Variants in DOK6 observed in about 807,000 individuals in gnomAD.
DOK6 encodes docking protein 6, also known as downstream of tyrosine kinase 6.
Under a neutral mutation model 44.0 loss-of-function variants are expected in DOK6, and 22 were observed. That is an observed-to-expected ratio of 0.50 (90% confidence interval 0.36 to 0.71). The LOEUF (loss-of-function observed/expected upper bound fraction) is 0.71. DOK6 is among the 30% of genes least tolerant of loss of function. The pLI is 0.00. For synonymous variants in DOK6, 166 were observed against 145.5 expected (o/e 1.14, Z -1.01); for missense variants, 340 against 416.4 (o/e 0.82, Z 1.60).
rs898629577 is a variant in DOK6, at chr18:69,597,556, C to T, written c.175-1828C>T. On this transcript the variant is annotated intron_variant, in intron 2 of 7. Transcript: ENST00000382713. ...GTCTCTTTAACTTAGGGACACTAGA[C>T]AGCAGTTTAGGGCTGCACTTGGGGA... 2.6e-3 allele frequency among the ~76,000 whole-genome samples: 389 copies of T among 152,294 alleles called. 7 individuals carry two copies. Among genetic ancestry groups the T allele is most frequent in the Non-Finnish European group, 1.0e-3 (70 of 68,034 alleles).
chr18:69,766,951 G>A (rs1280848107), intron 7 of DOK6, among the ~76,000 whole-genome samples: 1 of 152,186 alleles, frequency 6.6e-6, no homozygotes, highest in African/African-American at 2.4e-5. Flanking sequence ...TTTAGGCCAG[G>A]TGTGGTGGCT....
In DOK6 at chr18:69,698,446, T is replaced by C. The variant is rs1355617377; in HGVS notation, c.452T>C (p.Ile151Thr). The change falls in exon 5 of 8, where the codon ATT (isoleucine) becomes ACT (threonine). Residue 151 changes from isoleucine to threonine, a missense_variant. Ile to Thr is a moderately conservative substitution (Grantham distance 89, BLOSUM62 -1). This residue lies in a region of DOK6 where 206 missense variants were observed against 258.6 expected (regional missense o/e 0.80). Transcript: ENST00000382713. ...CTTATGCCTACACCAAACCTGGATA[T>C]TTATGGTGAATGCACAATGCAGATC... The part of the protein sequence containing the change: ...VYLMPTPNLD[I>T]YGECTMQITH... 6.2e-7 allele frequency: 1 copy of C among 1,613,872 alleles called. No individual in the cohort carries two copies.
chr18:69,753,800 A>G (rs1332702204), intron 6 of DOK6, among the ~76,000 whole-genome samples: 1 of 147,708 alleles, frequency 6.8e-6, no homozygotes, highest in Non-Finnish European at 1.5e-5. Flanking sequence ...CAAAGATTGC[A>G]GAATTTTGTA....
chr18:69,552,643 GTTC>G, intron 1 of DOK6, among the ~76,000 whole-genome samples: 1 of 152,238 alleles, frequency 6.6e-6, no homozygotes, highest in South Asian at 2.1e-4. Context: ...CATACTGGTT[GTTC>G]TTTATTATAA....
At chr18:69,515,918 A>T (rs551024962) in intron 1 of DOK6, among the ~76,000 whole-genome samples, 10 of 152,348 alleles carry the variant, frequency 6.6e-5, no homozygotes, top group African/African-American at 2.4e-4. Flanking sequence ...CAGATTTATG[A>T]TCATGCATTT....
At chr18:69,757,427 T>C (rs1191644759) in intron 6 of DOK6, among the ~76,000 whole-genome samples, 1 of 152,236 alleles carries the variant, frequency 6.6e-6, no homozygotes, top group East Asian at 1.9e-4. Context: ...TTCTTGTCCA[T>C]AGAAATGTAA....
At chr18:69,417,830 C>A (rs1400207871) in intron 1 of DOK6, among the ~76,000 whole-genome samples, 1 of 151,896 alleles carries the variant, frequency 6.6e-6, no homozygotes, top group Non-Finnish European at 1.5e-5. Context: ...ACATTTTTTT[C>A]ATATACCTTT....
chr18:69,603,927 G>A (rs1191209568), intron 3 of DOK6, among the ~76,000 whole-genome samples: 2 of 151,998 alleles, frequency 1.3e-5, no homozygotes, highest in Non-Finnish European at 2.9e-5. Flanking sequence ...TATTCTCAGT[G>A]AAAAACATTT....
chr18:69,807,031 A>T (rs911718268), intron 7 of DOK6, among the ~76,000 whole-genome samples: 31 of 152,044 alleles, frequency 2.0e-4, no homozygotes, highest in African/African-American at 7.0e-4. Flanking sequence ...AATGACCACT[A>T]TTTGTTACTC....
At chr18:69,829,249 T>C (rs1981835302) in intron 7 of DOK6, among the ~76,000 whole-genome samples, 1 of 99,584 alleles carries the variant, frequency 1.0e-5, no homozygotes. Flanking sequence ...CTTTGGTTCC[T>C]TAATTAAAAA....
intron 1 of DOK6, among the ~76,000 whole-genome samples, chr18:69,482,326 G>T (rs898829862): frequency 6.6e-6 from 1 of 152,000 alleles, no homozygotes; most frequent in Non-Finnish European, 1.5e-5. Context: ...GGTATTGCAC[G>T]TGCACTGATG....
At chr18:69,825,238 G>A (rs1420018413) in intron 7 of DOK6, among the ~76,000 whole-genome samples, 2 of 151,926 alleles carry the variant, frequency 1.3e-5, no homozygotes, top group African/African-American at 2.4e-5. Flanking sequence ...CTTAATTTAT[G>A]TGACTTACCA....
At chr18:69,496,469 G>A (rs117703263) in intron 1 of DOK6, among the ~76,000 whole-genome samples, 5,923 of 152,330 alleles carry the variant, frequency 0.039, 165 homozygotes, top group Admixed American at 0.096. Flanking sequence ...CCAGACAGCC[G>A]CTGCTGCCAT....
In DOK6 at chr18:69,817,304, T is replaced by TA. The variant is rs924931501; in HGVS notation, c.857-23932dup. On this transcript the variant is annotated intron_variant, in intron 7 of 7. Coordinates refer to ENST00000382713, the MANE Select transcript of DOK6 (RefSeq NM_152721.6). ...AAAGAAGTCCATTTTTCTTCTTACT[T>TA]AAAAAAAATGAAAATAATAAAAATA... Among the ~76,000 whole-genome samples the TA allele has an allele frequency of 8.6e-5, 13 of 152,026 alleles. No individual in the cohort carries two copies. In the South Asian group the frequency reaches 1.5e-3, roughly 17 times the overall value.
At chr18:69,726,957 C>T (rs914552423) in intron 5 of DOK6, among the ~76,000 whole-genome samples, 2 of 152,070 alleles carry the variant, frequency 1.3e-5, no homozygotes, top group South Asian at 2.1e-4. Context: ...TGGCCTCAAG[C>T]GATCCTCCCA....
intron 7 of DOK6, among the ~76,000 whole-genome samples, chr18:69,798,001 T>A (rs905872742): frequency 1.3e-5 from 2 of 152,126 alleles, no homozygotes; most frequent in Non-Finnish European, 2.9e-5. Flanking sequence ...AGACTCTATA[T>A]CTGCTACTAA....
intron 1 of DOK6, among the ~76,000 whole-genome samples, chr18:69,468,269 T>A (rs1156841936): frequency 6.6e-6 from 1 of 152,182 alleles, no homozygotes; most frequent in African/African-American, 2.4e-5. Flanking sequence ...AATAGAAACA[T>A]GTCACTGAGC....
At chr18:69,498,135 A>G (rs1200459907) in intron 1 of DOK6, among the ~76,000 whole-genome samples, 1 of 152,214 alleles carries the variant, frequency 6.6e-6, no homozygotes, top group East Asian at 1.9e-4. Context: ...TACTATGTGC[A>G]TAGGAGATCA....
At chr18:69,678,778 A>G (rs1376175609) in intron 4 of DOK6, among the ~76,000 whole-genome samples, 1 of 152,242 alleles carries the variant, frequency 6.6e-6, no homozygotes, top group East Asian at 1.9e-4. Flanking sequence ...CCACCACCAG[A>G]TGATTGAATA....
Sources: allele counts gnomAD v4.1 joint callset (sites outside exome capture counted in the v4.1 genomes callset), GRCh38; gene constraint gnomAD v4.1.1; regional missense constraint gnomAD v4.1.1; transcripts MANE v1.5; gene names NCBI Gene and HGNC (gene_info 2026-07-23, HGNC 2026-07-21).